Variants in GEMIN8 observed in about 807,000 individuals in gnomAD.
GEMIN8 encodes gem-associated protein 8.
For missense variants in GEMIN8, 185 were observed against 205.9 expected, an observed-to-expected ratio of 0.90 and a Z score of 0.62; for synonymous variants, 80 against 78.5, an observed-to-expected ratio of 1.02 and a Z score of -0.10.
intron 4 of GEMIN8, chrX:14,013,787 T>C (rs1923722476): frequency 8.2e-6 from 1 of 121,411 alleles, no homozygotes; most frequent in African/African-American, 4.0e-5. Context: ...AGAATAAATC[T>C]GTTTTTTTTT....
chrX:14,026,431 T>G lies in GEMIN8; in HGVS notation c.-115-210A>C, dbSNP rs757584597. 5.4e-6 allele frequency: 4 copies of G among 740,228 alleles called. No homozygotes were observed. The Admixed American group carries it at 2.6e-4, about 48-fold the overall frequency. The allele number at this position is 740,228 out of a possible 1,213,427, so 61.0% of individuals were successfully genotyped here. On this transcript the variant is annotated intron_variant, in intron 1 of 4. Coordinates refer to ENST00000680255, the MANE Select transcript of GEMIN8 (RefSeq NM_001042479.2). ...TCATTCACTAAACACTGACGAGGCC[T>G]ATAGGCAAGGCAGAGACTGAGTCTT...
downstream of GEMIN8, among the ~76,000 whole-genome samples, chrX:14,002,165 C>G (rs1922992067): frequency 9.7e-6 from 1 of 103,452 alleles, no homozygotes; most frequent in Admixed American, 1.1e-4. Context: ...TGAAATTTCT[C>G]ACATTCTGGA....
At chrX:14,012,297 T>G (rs1314007409) in intron 4 of GEMIN8, among the ~76,000 whole-genome samples, 1 of 109,289 alleles carries the variant, frequency 9.2e-6, no homozygotes, top group Non-Finnish European at 1.9e-5. Flanking sequence ...TTTGTATTTT[T>G]TTTTTTTTTG....
chrX:14,004,383 T>C (rs1923070684), downstream of GEMIN8, among the ~76,000 whole-genome samples: 1 of 112,024 alleles, frequency 8.9e-6, no homozygotes. Flanking sequence ...CTTGTGCACC[T>C]CCTTGTGCCC....
In GEMIN8 at chrX:14,007,312, T is replaced by A. The variant is rs1923215330; in HGVS notation, c.*1601A>T. On this transcript the variant is annotated 3_prime_UTR_variant, in exon 5 of 5. Transcript: ENST00000680255. ...AATCTTTTCACCAGCCTTTGATGGA[T>A]GTGCTAATCTTCTCAGGTCAACATG... Among the ~76,000 whole-genome samples, 1 of 111,989 alleles carries A rather than the reference T, an allele frequency of 8.9e-6. No individual in the cohort carries two copies. The highest frequency in any genetic ancestry group is 1.9e-5 in the Non-Finnish European group (1 of 53,195).
chrX:14,023,382 C>CT (rs753935449), intron 2 of GEMIN8, among the ~76,000 whole-genome samples: 4,099 of 100,147 alleles, frequency 0.041, 89 homozygotes, highest in East Asian at 0.1. Context: ...TTTTATATTC[C>CT]TTTTTTTTTT....
chrX:14,016,676 C>G (rs1923922218), intron 4 of GEMIN8, among the ~76,000 whole-genome samples: 1 of 105,468 alleles, frequency 9.5e-6, no homozygotes, highest in African/African-American at 3.5e-5. Flanking sequence ...GAAACACCAT[C>G]TCTACTACTA....
chrX:13,996,714 G>A, the GEMIN8 span, among the ~76,000 whole-genome samples: 1 of 111,296 alleles, frequency 9.0e-6, no homozygotes, highest in Non-Finnish European at 1.9e-5. Context: ...CACAAAAGGG[G>A]TGCAGTAGAT....
chrX:14,021,814 G>GTGTATATATATATATATATA (rs372889181), intron 2 of GEMIN8, among the ~76,000 whole-genome samples: 5 of 78,283 alleles, frequency 6.4e-5, no homozygotes, highest in African/African-American at 2.6e-4. Context: ...TAATGTGTGT[G>GTGTATATATATATATATATA]TATATATATA....
the GEMIN8 span, among the ~76,000 whole-genome samples, chrX:13,994,389 C>T: frequency 8.9e-6 from 1 of 112,199 alleles, no homozygotes; most frequent in African/African-American, 3.2e-5. Context: ...CGAGCTTCTC[C>T]TCCCCTCAGT....
chrX:14,016,297 C>T (rs904538925), intron 4 of GEMIN8, among the ~76,000 whole-genome samples: 3 of 111,958 alleles, frequency 2.7e-5, no homozygotes, highest in African/African-American at 9.8e-5. Flanking sequence ...GAATTGAAAG[C>T]TTGTTTAGGG....
chrX:14,004,228 A>G (rs953896528), downstream of GEMIN8, among the ~76,000 whole-genome samples: 1 of 112,310 alleles, frequency 8.9e-6, no homozygotes, highest in South Asian at 3.7e-4. Flanking sequence ...TAGCATTTTC[A>G]TACATGTAGT....
intron 1 of GEMIN8, among the ~76,000 whole-genome samples, chrX:14,028,835 G>C (rs1030486011): frequency 3.6e-5 from 4 of 112,135 alleles, no homozygotes; most frequent in African/African-American, 1.3e-4. Context: ...AAATTACAAA[G>C]AGACTGTTAT....
rs766736166 is a variant in GEMIN8 at position 14,021,538 on chromosome X, C to T, written c.-33-27G>A. The stretch of plus-strand genomic sequence containing the variant: ...TAGGAAAGAAGAATCACAGTGCAAA[C>T]GTCTGATCAGTATGGCTGTGTGATA... On this transcript the variant is annotated intron_variant, in intron 2 of 4. Transcript: ENST00000680255. 8.2e-5 allele frequency: 89 copies of T among 1,091,904 alleles called. 1 individual carries two copies. In the South Asian group the frequency reaches 1.6e-3, roughly 20 times the overall value. The allele number at this position is 1,091,904 out of a possible 1,213,427, so 90.0% of individuals were successfully genotyped here. A position where few individuals can be genotyped will look rare whatever the true frequency, so the allele number is the denominator to read the frequency against.
downstream of GEMIN8, among the ~76,000 whole-genome samples, chrX:14,002,366 GATAGATAA>G (rs1396784477): frequency 3.7e-4 from 39 of 106,322 alleles, no homozygotes; most frequent in Admixed American, 1.2e-3. Context: ...TAGATAGATA[GATAGATAA>G]ATAGAGTTCT....
chrX:14,017,409 A>C (rs1212219460), intron 4 of GEMIN8, among the ~76,000 whole-genome samples: 6 of 112,601 alleles, frequency 5.3e-5, no homozygotes, highest in Non-Finnish European at 9.4e-5. Flanking sequence ...TTTTTCAGAC[A>C]GATGACAAGA....
intron 4 of GEMIN8, chrX:14,014,264 G>A (rs902126333): frequency 2.4e-5 from 18 of 751,031 alleles, no homozygotes; most frequent in Non-Finnish European, 2.5e-5. Context: ...CCGAGGGAAA[G>A]CACAAACTTG....
the GEMIN8 span, among the ~76,000 whole-genome samples, chrX:13,999,567 C>T: frequency 9.1e-4 from 102 of 111,768 alleles, no homozygotes; most frequent in South Asian, 0.036. Context: ...TGAGCCACTG[C>T]GCCCGGCCGG....
intron 1 of GEMIN8, chrX:14,026,434 A>AG (rs1924700891): frequency 4.1e-6 from 3 of 739,350 alleles, no homozygotes; most frequent in Non-Finnish European, 3.2e-6. Context: ...CGAGGCCTAT[A>AG]GGCAAGGCAG....
Sources: allele counts gnomAD v4.1 joint callset (sites outside exome capture counted in the v4.1 genomes callset), GRCh38; gene constraint gnomAD v4.1.1; transcripts MANE v1.5; gene names NCBI Gene and HGNC (gene_info 2026-07-23, HGNC 2026-07-21).